Variants in HTRA3 observed in about 807,000 individuals in gnomAD.
The protein encoded by HTRA3 is serine protease HTRA3.
HTRA3 carries 41 observed loss-of-function variants against 43.2 expected under a neutral mutation model. That is an observed-to-expected ratio of 0.95 (90% CI 0.74 to 1.23). The LOEUF (loss-of-function observed/expected upper bound fraction) is 1.23. HTRA3 is among the 50% of genes most tolerant of loss of function. The probability of loss-of-function intolerance (pLI) is 0.00; values close to 1 mark genes in which losing one functional copy is unlikely to be tolerated. For synonymous variants in HTRA3, 295 were observed against 287.9 expected, an observed-to-expected ratio of 1.02 and a Z score of -0.25; for missense variants, 628 against 647.1, an observed-to-expected ratio of 0.97 and a Z score of 0.32.
chr4:8,280,636 C>G (rs1000554842), intron 1 of HTRA3, among the ~76,000 whole-genome samples: 7 of 152,122 alleles, frequency 4.6e-5, no homozygotes, highest in Non-Finnish European at 1.0e-4. Flanking sequence ...AGCCCTGGGC[C>G]CACAGCAGGC....
chr4:8,291,112 C>T (rs1713219448), intron 3 of HTRA3, among the ~76,000 whole-genome samples: 3 of 152,202 alleles, frequency 2.0e-5, no homozygotes, highest in Admixed American at 2.0e-4. Flanking sequence ...ATGATGAGCA[C>T]CCATGCCTGC....
In HTRA3 at chr4:8,279,215, C is replaced by A. The variant is rs574576263; in HGVS notation, c.386-3222C>A. On this transcript the variant is annotated intron_variant, in intron 1 of 8. Transcript: ENST00000307358. This position sits in a 1 kb window ranked among gnomAD's most constrained non-coding sequence, Gnocchi z 7.4. Reference sequence around the variant, plus strand: ...CGGCCCTTCTGTCTCAGGCCTTGCTCTCCCTCCCTGTTTTATTTTCTCTTT... The same window carrying A: ...CGGCCCTTCTGTCTCAGGCCTTGCTATCCCTCCCTGTTTTATTTTCTCTTT... Among the ~76,000 whole-genome samples the A allele has an allele frequency of 6.6e-6, 1 of 152,278 alleles. No individual in the cohort carries two copies. The highest frequency in any genetic ancestry group is 2.4e-5 in the African/African-American group (1 of 41,552).
intron 2 of HTRA3, among the ~76,000 whole-genome samples, chr4:8,282,739 G>A (rs1712805605): frequency 6.6e-6 from 1 of 152,238 alleles, no homozygotes; most frequent in Admixed American, 6.5e-5. Flanking sequence ...CTCCGCACCT[G>A]CTGGAGCTGT....
chr4:8,281,078 G>C (rs191871988), intron 1 of HTRA3, among the ~76,000 whole-genome samples: 2 of 152,336 alleles, frequency 1.3e-5, no homozygotes, highest in Admixed American at 1.3e-4. Context: ...CTTTAAAATA[G>C]AGGAAAAGTT....
intron 1 of HTRA3, among the ~76,000 whole-genome samples, chr4:8,280,896 T>A (rs7665567): frequency 3.4e-4 from 51 of 152,048 alleles, no homozygotes; most frequent in African/African-American, 1.1e-3. Context: ...GCCAACCCCC[T>A]AGGTCCCAGC....
At chr4:8,289,902 C>G (rs1713162082) in intron 3 of HTRA3, among the ~76,000 whole-genome samples, 1 of 151,676 alleles carries the variant, frequency 6.6e-6, no homozygotes, top group Non-Finnish European at 1.5e-5. Context: ...AGCTCATGGC[C>G]TCACCTGTGC....
intron 2 of HTRA3, among the ~76,000 whole-genome samples, chr4:8,283,357 A>C (rs1712833431): frequency 6.6e-6 from 1 of 152,012 alleles, no homozygotes; most frequent in Non-Finnish European, 1.5e-5. Flanking sequence ...CCTTCTTCCC[A>C]CAGGGCCTGC....
chr4:8,282,578 C>T (rs773764743), intron 2 of HTRA3, 42 bp downstream of exon 2: 34 of 1,451,988 alleles, frequency 2.3e-5, no homozygotes, highest in Non-Finnish European at 3.0e-5. Flanking sequence ...CCTGGTGTCC[C>T]CTGGTACACC....
At chr4:8,305,248 C>T (rs540473572) in intron 8 of HTRA3, among the ~76,000 whole-genome samples, 131 of 152,366 alleles carry the variant, frequency 8.6e-4, no homozygotes, top group South Asian at 5.4e-3. Flanking sequence ...GGAGGCCCCG[C>T]GTGAACTTCT....
chr4:8,300,698 T>A (rs888825973), intron 6 of HTRA3, among the ~76,000 whole-genome samples: 1 of 152,224 alleles, frequency 6.6e-6, no homozygotes, highest in Non-Finnish European at 1.5e-5. Flanking sequence ...ACTATTGTGT[T>A]TCTTTGATTT....
At chr4:8,287,209 G>A (rs889190483) in intron 3 of HTRA3, among the ~76,000 whole-genome samples, 9 of 152,184 alleles carry the variant, frequency 5.9e-5, no homozygotes, top group South Asian at 2.1e-4. Context: ...CCACCTTCAC[G>A]TCTGTACCTC....
chr4:8,305,436 C>G (rs1363373465), intron 8 of HTRA3, among the ~76,000 whole-genome samples: 1 of 152,250 alleles, frequency 6.6e-6, no homozygotes, highest in African/African-American at 2.4e-5. Flanking sequence ...AGAAGTTACT[C>G]TTCCAGGTCA....
At position 8,296,017 on chromosome 4, in the gene HTRA3, C is replaced by T; in HGVS notation, c.1051+1816C>T. 1 of 1,170,132 alleles carries T rather than the reference C, an allele frequency of 8.5e-7. No homozygotes were observed. Among genetic ancestry groups the T allele is most frequent in the Non-Finnish European group, 1.1e-6 (1 of 948,766 alleles). The allele number at this position is 1,170,132 out of a possible 1,614,324, so 72.5% of individuals were successfully genotyped here. On this transcript the variant is annotated intron_variant, in intron 6 of 8. Transcript: ENST00000307358. This position sits in a 1 kb window ranked among gnomAD's most constrained non-coding sequence, Gnocchi z 5.3. ...AGCTAGATTCAGGGGTGCACCCAGA[C>T]CTGTCCTAGCATGCTCCTTTCCCTA...
intron 1 of HTRA3, among the ~76,000 whole-genome samples, chr4:8,270,991 T>G (rs370525742): frequency 6.6e-6 from 1 of 152,202 alleles, no homozygotes; most frequent in African/African-American, 2.4e-5. Flanking sequence ...TGTACCTTTT[T>G]CCCTGTTTGG....
rs1457943920 is a variant in HTRA3 at position 8,295,208 on chromosome 4, T to C, written c.1051+1007T>C. 7.2e-5 allele frequency among the ~76,000 whole-genome samples: 11 copies of C among 152,124 alleles called. No individual in the cohort carries two copies. The highest frequency in any genetic ancestry group is 7.2e-4 in the Admixed American group (11 of 15,276). ...CTATCCCTGTCCGTCTATTCTTCCA[T>C]CCATCTACCCACTCCTGAGTACTTC... On this transcript the variant is annotated intron_variant, in intron 6 of 8. Coordinates refer to ENST00000307358, the MANE Select transcript of HTRA3 (RefSeq NM_053044.5). The surrounding 1 kb of genome is among the most constrained non-coding windows in gnomAD (Gnocchi z 6.9).
In HTRA3 at chr4:8,269,800, T is replaced by G. The variant is rs563142059; in HGVS notation, c.-169T>G. The G allele has an allele frequency of 1.2e-5, 2 of 169,050 alleles. No individual in the cohort carries two copies. Among genetic ancestry groups the G allele is most frequent in the Non-Finnish European group, 2.4e-5 (2 of 82,474 alleles). 10.5% of individuals were successfully genotyped at this position (169,050 alleles called of 1,614,324 possible). A position where few individuals can be genotyped will look rare whatever the true frequency, so the allele number is the denominator to read the frequency against. ...CCCTGCGCTCCCTGCGCCCTGGGGA[T>G]GCCCCTGCCGCCCTGACGCCCGCCA... is the stretch of plus-strand genomic sequence containing the variant. On this transcript the variant is annotated 5_prime_UTR_variant, in exon 1 of 9. The change abolishes an upstream ATG in the 5' untranslated region. Coordinates refer to ENST00000307358, the MANE Select transcript of HTRA3 (RefSeq NM_053044.5).
At chr4:8,288,428 C>G (rs1713082726) in intron 3 of HTRA3, among the ~76,000 whole-genome samples, 1 of 152,068 alleles carries the variant, frequency 6.6e-6, no homozygotes, top group South Asian at 2.1e-4. Flanking sequence ...CATGTGCCAC[C>G]ACACTGGCCA....
intron 6 of HTRA3, among the ~76,000 whole-genome samples, chr4:8,298,804 G>A: frequency 6.6e-6 from 1 of 152,204 alleles, no homozygotes; most frequent in Non-Finnish European, 1.5e-5. Context: ...TTGTCCAAAA[G>A]AGAATGACCA....
chr4:8,277,463 CT>C (rs149850730), intron 1 of HTRA3, among the ~76,000 whole-genome samples: 47,472 of 152,126 alleles, frequency 0.31, 8,504 homozygotes, highest in Non-Finnish European at 0.4. Context: ...AAGGGACTAG[CT>C]TTGGGAAGGG....
Sources: gnomAD v4.1 joint callset for allele counts (sites outside exome capture counted in the v4.1 genomes callset) on GRCh38, gnomAD v4.1.1 for gene constraint, Gnocchi (gnomAD v3.1) non-coding constraint, MANE v1.5 for transcripts, NCBI Gene and HGNC (gene_info 2026-07-23, HGNC 2026-07-21) for gene names.